SLC30A5: variants seen among roughly 807,000 people sequenced by gnomAD.
SLC30A5 encodes the protein solute carrier family 30 member 5.
Under a neutral mutation model 79.6 loss-of-function variants are expected in SLC30A5, and 33 were observed. That is an observed-to-expected ratio of 0.41 (90% CI 0.31 to 0.55). The LOEUF is 0.55. SLC30A5 is among the 20% of genes least tolerant of loss of function. The pLI, the probability that SLC30A5 is intolerant of heterozygous loss-of-function variation, is 0.20. For missense variants in SLC30A5, 788 were observed against 928.1 expected (o/e 0.85, Z 1.96); for synonymous variants, 299 against 319.7 (o/e 0.94, Z 0.69).
chr5:69,095,295 G>A (rs1745693664), intron 1 of SLC30A5, among the ~76,000 whole-genome samples: 2 of 147,490 alleles, frequency 1.4e-5, no homozygotes, highest in Admixed American at 7.0e-5. Flanking sequence ...CCGCTTCCCG[G>A]GTTCAAAAGA....
At position 69,108,343 on chromosome 5, in the gene SLC30A5, T is replaced by G. The variant is rs553398225; in HGVS notation, c.360-6T>G. ...TTTCATAAATGATAATGTTTTATTT[T>G]TGTAGGACTTTGCTGCTATTTGAGC... is the stretch of plus-strand genomic sequence containing the variant. On this transcript the variant is annotated splice_polypyrimidine_tract_variant and splice_region_variant and intron_variant, in intron 4 of 15. Transcript: ENST00000396591. 1.2e-6 allele frequency: 2 copies of G among 1,603,962 alleles called. No homozygotes were observed. The highest frequency in any genetic ancestry group is 2.2e-5 in the South Asian group (2 of 90,772).
chr5:69,094,962 G>A (rs1163471740), intron 1 of SLC30A5, among the ~76,000 whole-genome samples: 2 of 151,970 alleles, frequency 1.3e-5, no homozygotes, highest in Admixed American at 6.6e-5. Flanking sequence ...CCACCAACCC[G>A]AAAAGTAAGG....
At chr5:69,117,849 C>A (rs1463694524) in intron 11 of SLC30A5, among the ~76,000 whole-genome samples, 1 of 148,538 alleles carries the variant, frequency 6.7e-6, no homozygotes, top group African/African-American at 2.5e-5. Flanking sequence ...TGCACTCCAG[C>A]CTGGGCAACA....
At chr5:69,126,360 C>T (rs981736085) in intron 14 of SLC30A5, among the ~76,000 whole-genome samples, 1 of 152,028 alleles carries the variant, frequency 6.6e-6, no homozygotes, top group African/African-American at 2.4e-5. Context: ...CAATGTTGCC[C>T]GGGCTGGTCT....
intron 14 of SLC30A5, among the ~76,000 whole-genome samples, chr5:69,124,183 AAAT>A (rs1242837614): frequency 6.6e-6 from 1 of 151,946 alleles, no homozygotes; most frequent in African/African-American, 2.4e-5. Context: ...ACTTTTAAAA[AAAT>A]AATAAGTTCC....
At chr5:69,122,912 G>A (rs531524601) in intron 13 of SLC30A5, among the ~76,000 whole-genome samples, 4 of 152,282 alleles carry the variant, frequency 2.6e-5, no homozygotes, top group Admixed American at 1.3e-4. Flanking sequence ...TATAAGTAAT[G>A]TGGGTAATGT....
At chr5:69,123,489 G>A in intron 14 of SLC30A5, 64 bp downstream of exon 14, 2 of 1,250,262 alleles carry the variant, frequency 1.6e-6, no homozygotes. Flanking sequence ...GTCTTTGCTG[G>A]AAGTAAAACA....
Position 69,123,283 on chromosome 5 carries a change from T to A in SLC30A5, c.1856T>A (p.Phe619Tyr). The A allele has an allele frequency of 6.2e-7, 1 of 1,614,112 alleles. No homozygotes were observed. The highest frequency in any genetic ancestry group is 8.5e-7 in the Non-Finnish European group (1 of 1,179,986). Reference sequence around the variant, plus strand: ...GTTCTTATAGAGCAGTTTGGATGGTTCATCGCTGACCCACTCTGTTCTCTT... The same window carrying A: ...GTTCTTATAGAGCAGTTTGGATGGTACATCGCTGACCCACTCTGTTCTCTT... ...STVLIEQFGWFIADPLCSLFI... is the reference protein window; with the variant it reads ...STVLIEQFGWYIADPLCSLFI... Residue 619 changes from phenylalanine (F) to tyrosine (Y), a missense_variant, in exon 14 of 16, where the codon TTC becomes TAC. Phe to Tyr is a conservative substitution (Grantham distance 22, BLOSUM62 3). This residue lies in a region of SLC30A5 where 626 missense variants were observed against 755.5 expected (regional missense o/e 0.83). Coordinates refer to ENST00000396591, the MANE Select transcript of SLC30A5 (RefSeq NM_022902.5).
intron 12 of SLC30A5, among the ~76,000 whole-genome samples, chr5:69,121,026 C>T (rs942273691): frequency 1.3e-5 from 2 of 152,144 alleles, no homozygotes; most frequent in Non-Finnish European, 2.9e-5. Flanking sequence ...GGCATAGTGG[C>T]TCATGCCTGT....
intron 14 of SLC30A5, among the ~76,000 whole-genome samples, chr5:69,124,252 A>C (rs1388211640): frequency 6.6e-6 from 1 of 152,050 alleles, no homozygotes; most frequent in East Asian, 1.9e-4. Context: ...AATAGTAACA[A>C]TAATAATAGG....
At position 69,118,502 on chromosome 5, in the gene SLC30A5, C is replaced by A; in HGVS notation, c.1443C>A (p.Tyr481Ter). 1 of 1,592,736 alleles carries A rather than the reference C, an allele frequency of 6.3e-7. No homozygotes were observed. The highest frequency in any genetic ancestry group is 8.5e-7 in the Non-Finnish European group (1 of 1,171,236). Residue 481 changes from tyrosine (Y) to a stop codon, truncating the protein, a stop_gained, in exon 12 of 16, where the codon TAC (tyrosine) becomes TAA (stop). Coordinates refer to ENST00000396591, the MANE Select transcript of SLC30A5 (RefSeq NM_022902.5). LOFTEE classifies it high-confidence loss of function. ...GAAAAATGTTCTATGTTTTTAGGTA[C>A]GGCCGAATAGAAATTCTGTCTGGAT... ...WKATRIFSYGYGRIEILSGFI... is the reference protein window; with the variant it reads ...WKATRIFSYG
At chr5:69,104,097 A>G in intron 3 of SLC30A5, 1 of 1,492,128 alleles carries the variant, frequency 6.7e-7, no homozygotes, top group Non-Finnish European at 9.0e-7. Flanking sequence ...CTACCAGCAG[A>G]CAAGAATATA....
chr5:69,101,684 C>T (rs751139105), intron 2 of SLC30A5, among the ~76,000 whole-genome samples: 3 of 150,786 alleles, frequency 2.0e-5, no homozygotes, highest in Admixed American at 6.6e-5. Context: ...CAGCTGGGCA[C>T]GGTGGCTCAT....
chr5:69,116,321 C>T lies in SLC30A5; in HGVS notation c.1073-73C>T, dbSNP rs1746372482. On this transcript the variant is annotated intron_variant, in intron 9 of 15. Transcript: ENST00000396591. The surrounding 1 kb of genome is among the most constrained non-coding windows in gnomAD (Gnocchi z 4.0). ...AATTCTTCAGTGCTTGCATTTAGTG[C>T]CGACAGTTACTGTGTTGGTTTTGGT... 5.4e-6 allele frequency: 8 copies of T among 1,491,630 alleles called. No individual in the cohort carries two copies. The highest frequency in any genetic ancestry group is 1.4e-5 in the South Asian group (1 of 73,920). The allele number at this position is 1,491,630 out of a possible 1,614,324, so 92.4% of individuals were successfully genotyped here.
At chr5:69,108,251 C>G in intron 4 of SLC30A5, 98 bp from the exon 5 acceptor site, 6 of 919,122 alleles carry the variant, frequency 6.5e-6, no homozygotes, top group Non-Finnish European at 1.0e-5. Flanking sequence ...TTTGTGAAAT[C>G]AAGGGGAAAT....
chr5:69,124,866 C>T (rs544751483), intron 14 of SLC30A5, among the ~76,000 whole-genome samples: 2 of 152,066 alleles, frequency 1.3e-5, no homozygotes, highest in Admixed American at 1.3e-4. Flanking sequence ...CACTGCACCC[C>T]GCCAGAAAAA....
intron 2 of SLC30A5, among the ~76,000 whole-genome samples, chr5:69,102,291 T>G (rs1359237355): frequency 2.0e-5 from 3 of 151,482 alleles, no homozygotes; most frequent in Non-Finnish European, 2.9e-5. Context: ...TGACCTCAGG[T>G]GATCCGCCCA....
chr5:69,111,943 C>T (rs1475019642), intron 5 of SLC30A5, among the ~76,000 whole-genome samples: 1 of 152,036 alleles, frequency 6.6e-6, no homozygotes, highest in Admixed American at 6.6e-5. Flanking sequence ...AATAGGTATT[C>T]TACAAGTATA....
chr5:69,123,423 A>G lies in SLC30A5; in HGVS notation c.1996A>G (p.Lys666Glu), dbSNP rs1441604698. ...YEKELHIALE[K>E]IQKIEGLISY... ...AAAAGAACTACATATTGCTTTAGAA[A>G]AGGTACTGTATGTAATTTCTTCACT... The change falls in exon 14 of 16, where the codon AAG (lysine) becomes GAG (glutamate). Residue 666 changes from lysine (K) to glutamate (E), a missense_variant and splice_region_variant. This residue lies in a region of SLC30A5 where 158 missense variants were observed against 156.2 expected (regional missense o/e 1.01). Transcript: ENST00000396591. 6 of 1,608,182 alleles carry G rather than the reference A, an allele frequency of 3.7e-6. No individual in the cohort carries two copies. The highest frequency in any genetic ancestry group is 1.7e-5 in the Admixed American group (1 of 60,020).
Sources: gnomAD v4.1 joint callset for allele counts (sites outside exome capture counted in the v4.1 genomes callset) on GRCh38, gnomAD v4.1.1 for gene constraint, gnomAD v4.1.1 regional missense constraint, Gnocchi (gnomAD v3.1) non-coding constraint, MANE v1.5 for transcripts, NCBI Gene and HGNC (gene_info 2026-07-23, HGNC 2026-07-21) for gene names.